Variants in PRDM16 observed in about 807,000 individuals in gnomAD.
PRDM16 encodes the protein histone-lysine N-methyltransferase PRDM16.
In PRDM16, 23 loss-of-function variants were observed where a neutral mutation model predicts 110.6. That is an observed-to-expected ratio of 0.21 (90% CI 0.15 to 0.29). PRDM16 has a LOEUF of 0.29. Ranked by LOEUF, PRDM16 falls within the 10% of genes least tolerant of loss-of-function variation. PRDM16 has a pLI of 1.00. For missense variants in PRDM16, 1,615 were observed against 1,794.3 expected (o/e 0.90, Z 1.81); for synonymous variants, 799 against 781.8 (o/e 1.02, Z -0.37).
At chr1:3,128,264 C>T (rs550767186) in intron 1 of PRDM16, among the ~76,000 whole-genome samples, 7 of 152,006 alleles carry the variant, frequency 4.6e-5, no homozygotes, top group East Asian at 1.9e-4. Context: ...AAGAGGCAGC[C>T]GTGGGAATCT....
chr1:3,256,067 C>T lies in PRDM16; in HGVS notation c.438+11930C>T, dbSNP rs556748259. 1.1e-4 allele frequency among the ~76,000 whole-genome samples: 17 copies of T among 152,328 alleles called. 1 individual carries two copies. The highest frequency in any genetic ancestry group is 9.1e-4 in the Admixed American group (14 of 15,310). The stretch of plus-strand genomic sequence containing the variant: ...TGGGACTGGAGAACAGCTCAGGCCA[C>T]CCCTTGCTTTTGCTGATGCTGAGTA... On this transcript the variant is annotated intron_variant, in intron 3 of 16. Coordinates refer to ENST00000270722, the MANE Select transcript of PRDM16 (RefSeq NM_022114.4).
chr1:3,204,018 A>G (rs1444284370), intron 2 of PRDM16, among the ~76,000 whole-genome samples: 1 of 152,160 alleles, frequency 6.6e-6, no homozygotes, highest in Non-Finnish European at 1.5e-5. Context: ...CTCGAAGGGG[A>G]CCACACCGGG....
intron 3 of PRDM16, among the ~76,000 whole-genome samples, chr1:3,336,185 A>G (rs757664939): frequency 6.6e-6 from 1 of 152,200 alleles, no homozygotes; most frequent in Non-Finnish European, 1.5e-5. Flanking sequence ...AGCGGGGGAC[A>G]TGCATATGTA....
chr1:3,352,493 T>G (rs985766985), intron 3 of PRDM16, among the ~76,000 whole-genome samples: 6 of 152,178 alleles, frequency 3.9e-5, no homozygotes, highest in Non-Finnish European at 7.3e-5. Flanking sequence ...CGCTCTATCA[T>G]TTCGTTTGTT....
In PRDM16 at chr1:3,436,186, A is replaced by G. The variant is rs970357629; in HGVS notation, c.*2375A>G. On this transcript the variant is annotated 3_prime_UTR_variant, in exon 17 of 17. Transcript: ENST00000270722. The stretch of plus-strand genomic sequence containing the variant: ...AATTATATGGTTTCTTCTGCGAAAG[A>G]GTAAGGTGTGTGCTTTTTTTTTTTT... 2.4e-5 allele frequency: 5 copies of G among 206,082 alleles called. No homozygotes were observed. The highest frequency in any genetic ancestry group is 2.3e-4 in the South Asian group (1 of 4,284). The allele number at this position is 206,082 out of a possible 1,614,324, so 12.8% of individuals were successfully genotyped here. A position where few individuals can be genotyped will look rare whatever the true frequency, so the allele number is the denominator to read the frequency against.
chr1:3,139,773 C>T (rs140027409), intron 1 of PRDM16, among the ~76,000 whole-genome samples: 6 of 152,358 alleles, frequency 3.9e-5, no homozygotes, highest in Non-Finnish European at 8.8e-5. Flanking sequence ...GGAAAGGGAG[C>T]TGCTCCCGTC....
chr1:3,106,311 G>A (rs541076683), intron 1 of PRDM16, among the ~76,000 whole-genome samples: 61 of 152,338 alleles, frequency 4.0e-4, no homozygotes, highest in Non-Finnish European at 1.5e-5. Context: ...CAGGCTAGGA[G>A]GGAGGGGAGC....
intron 3 of PRDM16, among the ~76,000 whole-genome samples, chr1:3,349,308 C>T (rs747657307): frequency 7.9e-5 from 12 of 152,224 alleles, no homozygotes; most frequent in East Asian, 1.9e-4. Context: ...GGGGCCGCAC[C>T]GGCACGCTGT....
In PRDM16 at chr1:3,186,129, C is replaced by T. The variant is rs540560495; in HGVS notation, c.42C>T (p.Asp14=). The change falls in exon 2 of 17, where the codon GAC becomes GAT. Residue 14 remains aspartate, a synonymous_variant. Transcript: ENST00000270722. ...KARARKLAKS[D]GDVVNNMYEP... ...ACGCTGCGTTGTCTCCTTTAGGTGACGGTGACGTTGTAAATAATATGTATG... is the reference window on the plus strand; with the variant it reads ...ACGCTGCGTTGTCTCCTTTAGGTGATGGTGACGTTGTAAATAATATGTATG... The T allele has an allele frequency of 1.8e-5, 29 of 1,611,764 alleles. No homozygotes were observed. Among genetic ancestry groups the T allele is most frequent in the East Asian group, 4.5e-5 (2 of 44,872 alleles).
intron 3 of PRDM16, among the ~76,000 whole-genome samples, chr1:3,260,227 G>T (rs1030215673): frequency 6.6e-6 from 1 of 152,246 alleles, no homozygotes; most frequent in Admixed American, 6.5e-5. Flanking sequence ...TGGGGGGCCA[G>T]GCCCCAAGGA....
chr1:3,408,245 C>T (rs1376490907), intron 8 of PRDM16, among the ~76,000 whole-genome samples: 1 of 152,242 alleles, frequency 6.6e-6, no homozygotes, highest in Non-Finnish European at 1.5e-5. Context: ...CCCCACCTCA[C>T]TGGCCACACA....
At chr1:3,193,620 T>C (rs1387839167) in intron 2 of PRDM16, among the ~76,000 whole-genome samples, 11 of 152,134 alleles carry the variant, frequency 7.2e-5, no homozygotes, top group Non-Finnish European at 1.6e-4. Flanking sequence ...AGGGAGCTCC[T>C]GTGGCTCAGA....
At chr1:3,278,496 C>T (rs573265585) in intron 3 of PRDM16, among the ~76,000 whole-genome samples, 4 of 152,322 alleles carry the variant, frequency 2.6e-5, no homozygotes, top group African/African-American at 7.2e-5. Context: ...TTGCTCACAT[C>T]GGCAACCCCC....
At chr1:3,386,244 A>T (rs1322750725) in intron 4 of PRDM16, among the ~76,000 whole-genome samples, 1 of 140,134 alleles carries the variant, frequency 7.1e-6, no homozygotes, top group East Asian at 3.1e-4. Flanking sequence ...ATTTGAAAAA[A>T]AAGAAAAGGA....
intron 2 of PRDM16, among the ~76,000 whole-genome samples, chr1:3,228,701 C>T (rs945934743): frequency 1.3e-5 from 2 of 152,212 alleles, no homozygotes; most frequent in African/African-American, 2.4e-5. Context: ...CATGGCCCAT[C>T]CCTCCAGAAC....
rs1344060936 is a variant in PRDM16, at chr1:3,248,097, A to G, written c.438+3960A>G. Among the ~76,000 whole-genome samples, 16 of 152,390 alleles carry G rather than the reference A, an allele frequency of 1.0e-4. No homozygotes were observed. In the East Asian group the frequency reaches 3.1e-3, roughly 29 times the overall value. On this transcript the variant is annotated intron_variant, in intron 3 of 16. Coordinates refer to ENST00000270722, the MANE Select transcript of PRDM16 (RefSeq NM_022114.4). ...AGGGCTCGCTGAAAATGGATGGAAGACATTATTAAGGCTCAATGGCCATCT... is the reference window on the plus strand; with the variant it reads ...AGGGCTCGCTGAAAATGGATGGAAGGCATTATTAAGGCTCAATGGCCATCT...
intron 1 of PRDM16, among the ~76,000 whole-genome samples, chr1:3,177,338 A>G (rs561189758): frequency 6.6e-6 from 1 of 152,184 alleles, no homozygotes; most frequent in Non-Finnish European, 1.5e-5. Context: ...CTGCCAGGAA[A>G]CTGTTTCAGG....
intron 3 of PRDM16, among the ~76,000 whole-genome samples, chr1:3,357,983 C>T (rs1276337509): frequency 1.3e-5 from 2 of 152,236 alleles, no homozygotes; most frequent in Admixed American, 6.5e-5. Flanking sequence ...GAGGCCCACT[C>T]GTGAGCCTTG....
chr1:3,217,808 C>T (rs1557536496), intron 2 of PRDM16, among the ~76,000 whole-genome samples: 7 of 152,160 alleles, frequency 4.6e-5, no homozygotes, highest in Admixed American at 4.6e-4. Flanking sequence ...GGCTGGGACG[C>T]GCGCTCTTCC....
Sources: gnomAD v4.1 joint callset for allele counts (sites outside exome capture counted in the v4.1 genomes callset) on GRCh38, gnomAD v4.1.1 for gene constraint, MANE v1.5 for transcripts, NCBI Gene and HGNC (gene_info 2026-07-23, HGNC 2026-07-21) for gene names.